The following EFCAB11 variants were observed in gnomAD, a reference collection of about 807,000 sequenced individuals.
EFCAB11 encodes EF-hand calcium-binding domain-containing protein 11.
EFCAB11 carries 14 observed loss-of-function variants against 23.0 expected under a neutral mutation model. That is an observed-to-expected ratio of 0.61 (90% CI 0.40 to 0.95). EFCAB11 has a LOEUF of 0.95. Ranked by LOEUF, EFCAB11 falls within the 40% of genes least tolerant of loss-of-function variation. The pLI, the probability that EFCAB11 is intolerant of heterozygous loss-of-function variation, is 0.00. For missense variants in EFCAB11, 198 were observed against 195.8 expected, an observed-to-expected ratio of 1.01 and a Z score of -0.07; for synonymous variants, 65 against 66.6, an observed-to-expected ratio of 0.98 and a Z score of 0.11.
intron 5 of EFCAB11, among the ~76,000 whole-genome samples, chr14:89,904,667 T>A (rs1410518717): frequency 6.6e-6 from 1 of 152,208 alleles, no homozygotes; most frequent in Non-Finnish European, 1.5e-5. Flanking sequence ...TGATCGCCAT[T>A]CTAACTGGAG....
At chr14:89,850,916 C>G (rs909370104) in intron 5 of EFCAB11, among the ~76,000 whole-genome samples, 2 of 151,992 alleles carry the variant, frequency 1.3e-5, no homozygotes, top group Non-Finnish European at 1.5e-5. Context: ...GAAACTGAGC[C>G]CTAGGAAGTT....
intron 5 of EFCAB11, among the ~76,000 whole-genome samples, chr14:89,886,110 G>A (rs1285079803): frequency 6.6e-6 from 1 of 152,198 alleles, no homozygotes; most frequent in Non-Finnish European, 1.5e-5. Flanking sequence ...AGTTAATGTT[G>A]CAGCCTCAAA....
intron 5 of EFCAB11, among the ~76,000 whole-genome samples, chr14:89,924,921 T>C (rs1015177769): frequency 1.3e-5 from 2 of 152,240 alleles, no homozygotes; most frequent in Non-Finnish European, 2.9e-5. Context: ...AAAGGCAACA[T>C]GCCAAGGACA....
At chr14:89,944,968 A>C (rs1031986154) in intron 3 of EFCAB11, among the ~76,000 whole-genome samples, 2 of 97,884 alleles carry the variant, frequency 2.0e-5, no homozygotes, top group East Asian at 3.1e-4. Flanking sequence ...ATTTTATTAG[A>C]TCTAATAATA....
chr14:89,835,585 CGTGTGTGTGTGTGTGTGTGT>C lies in EFCAB11; in HGVS notation c.411-38281_411-38262del, dbSNP rs67831579. The stretch of plus-strand genomic sequence containing the variant: ...TGGATTTCAGATTAGGGATGCTCAA[CGTGTGTGTGTGTGTGTGTGT>C]GTGTGTGTGTGTGTGTGTGTGTGTG... On this transcript the variant is annotated intron_variant, in intron 5 of 5. Transcript: ENST00000316738. Among the ~76,000 whole-genome samples the C allele has an allele frequency of 2.7e-3, 255 of 93,396 alleles. 2 individuals carry two copies. Among genetic ancestry groups the C allele is most frequent in the South Asian group, 8.2e-3 (16 of 1,956 alleles). The allele number at this position is 93,396 out of a possible 152,430, so 61.3% of individuals were successfully genotyped here. A position where few individuals can be genotyped will look rare whatever the true frequency, so the allele number is the denominator to read the frequency against.
At chr14:89,876,728 T>A (rs933792307) in intron 5 of EFCAB11, among the ~76,000 whole-genome samples, 3 of 152,320 alleles carry the variant, frequency 2.0e-5, no homozygotes, top group Non-Finnish European at 2.9e-5. Flanking sequence ...CCAATCCCCG[T>A]TTATGCATCT....
chr14:89,923,626 T>C (rs1480090223), intron 5 of EFCAB11: 5 of 914,462 alleles, frequency 5.5e-6, no homozygotes, highest in African/African-American at 5.4e-5. Context: ...ATATGATTTG[T>C]AGGTGTTTTT....
At chr14:89,846,230 A>T (rs1408124507) in intron 5 of EFCAB11, among the ~76,000 whole-genome samples, 1 of 152,238 alleles carries the variant, frequency 6.6e-6, no homozygotes, top group Non-Finnish European at 1.5e-5. Context: ...TAAGCTGTAC[A>T]TCCTCTGGAA....
chr14:89,952,323 TTCC>T, intron 2 of EFCAB11: 5 of 840,678 alleles, frequency 5.9e-6, no homozygotes, highest in Non-Finnish European at 7.2e-6. Flanking sequence ...TGTCATTAAA[TTCC>T]TCATTCTAAA....
chr14:89,802,119 T>A (rs1596371843), intron 5 of EFCAB11, among the ~76,000 whole-genome samples: 1 of 152,176 alleles, frequency 6.6e-6, no homozygotes, highest in East Asian at 1.9e-4. Flanking sequence ...GAAAATCATT[T>A]TTCTTGTAAA....
chr14:89,819,600 TA>T (rs978616178), intron 5 of EFCAB11, among the ~76,000 whole-genome samples: 5 of 150,750 alleles, frequency 3.3e-5, no homozygotes, highest in African/African-American at 7.4e-5. Context: ...CAGCTAATTA[TA>T]AAAAAAACCC....
intron 5 of EFCAB11, among the ~76,000 whole-genome samples, chr14:89,900,056 G>A (rs1889294307): frequency 1.3e-5 from 2 of 152,138 alleles, no homozygotes; most frequent in South Asian, 4.1e-4. Flanking sequence ...TCTTGCACTT[G>A]GAGTCGAATT....
intron 5 of EFCAB11, among the ~76,000 whole-genome samples, chr14:89,909,507 G>A (rs541716752): frequency 1.3e-5 from 2 of 152,200 alleles, no homozygotes; most frequent in Admixed American, 6.5e-5. Context: ...TTGAAGCCGG[G>A]GGGGCGGACG....
chr14:89,889,379 T>C (rs1420955138), intron 5 of EFCAB11, among the ~76,000 whole-genome samples: 1 of 152,244 alleles, frequency 6.6e-6, no homozygotes, highest in Non-Finnish European at 1.5e-5. Flanking sequence ...ATTTTTTAAC[T>C]TCTCTATCCC....
intron 5 of EFCAB11, among the ~76,000 whole-genome samples, chr14:89,874,517 AT>A (rs1010574127): frequency 2.0e-5 from 3 of 152,030 alleles, no homozygotes; most frequent in African/African-American, 4.8e-5. Context: ...CAGATTTCCA[AT>A]TTTTTTATGC....
chr14:89,817,393 T>C (rs1376804069), intron 5 of EFCAB11, among the ~76,000 whole-genome samples: 2 of 152,074 alleles, frequency 1.3e-5, no homozygotes, highest in African/African-American at 2.4e-5. Flanking sequence ...GCTAGGCATG[T>C]ACCTGTAGTC....
Position 89,798,203 on chromosome 14 carries a change from T to C in EFCAB11, c.411-879A>G, listed in dbSNP as rs148501180. 5.0e-4 allele frequency among the ~76,000 whole-genome samples: 76 copies of C among 152,386 alleles called. 2 individuals are homozygous for C. In the East Asian group the frequency reaches 0.013, roughly 27 times the overall value. ...TAAAATAAACTTTCTGAATATTTCA[T>C]GCCAAAGTCTCTGAAGTCTATAATG... On this transcript the variant is annotated intron_variant, in intron 5 of 5. Coordinates refer to ENST00000316738, the MANE Select transcript of EFCAB11 (RefSeq NM_145231.4).
At chr14:89,933,329 A>T (rs1890462685) in intron 3 of EFCAB11, among the ~76,000 whole-genome samples, 1 of 152,228 alleles carries the variant, frequency 6.6e-6, no homozygotes, top group African/African-American at 2.4e-5. Context: ...GAGCGAAGCC[A>T]AGAATTTAAA....
At chr14:89,840,116 A>G (rs1413298137) in intron 5 of EFCAB11, among the ~76,000 whole-genome samples, 1 of 152,232 alleles carries the variant, frequency 6.6e-6, no homozygotes, top group East Asian at 1.9e-4. Flanking sequence ...ACTATACTGT[A>G]GTCTACGCTT....
Sources: allele counts gnomAD v4.1 joint callset (sites outside exome capture counted in the v4.1 genomes callset), GRCh38; gene constraint gnomAD v4.1.1; transcripts MANE v1.5; gene names NCBI Gene and HGNC (gene_info 2026-07-23, HGNC 2026-07-21).